Variants in SNX29 observed in about 807,000 individuals in gnomAD.
The protein encoded by SNX29 is sorting nexin 29, also known as sorting nexin-29.
In SNX29, 78 loss-of-function variants were observed where a neutral mutation model predicts 102.1. The ratio of observed to expected loss-of-function variants is 0.76; its 90% CI spans 0.64 to 0.92. The LOEUF is 0.92. Among genes scored for constraint, SNX29 ranks in the 40% least tolerant of loss-of-function variants. The pLI is 0.00. For synonymous variants in SNX29, 580 were observed against 414.5 expected, an observed-to-expected ratio of 1.40 and a Z score of -4.85; for missense variants, 1,280 against 1,061.7, an observed-to-expected ratio of 1.21 and a Z score of -2.86.
chr16:12,241,915 G>C (rs151077554), intron 14 of SNX29, among the ~76,000 whole-genome samples: 1 of 152,148 alleles, frequency 6.6e-6, no homozygotes, highest in East Asian at 1.9e-4. Flanking sequence ...TGGAAAGGGG[G>C]CTCCTGCCTC....
chr16:12,556,821 A>AG (rs2078382714), intron 20 of SNX29, among the ~76,000 whole-genome samples: 1 of 152,102 alleles, frequency 6.6e-6, no homozygotes, highest in Non-Finnish European at 1.5e-5. Flanking sequence ...ACAGAAGCCC[A>AG]GAGGAGGAAC....
chr16:12,210,710 A>G (rs905290982), intron 14 of SNX29, among the ~76,000 whole-genome samples: 6 of 150,456 alleles, frequency 4.0e-5, no homozygotes, highest in African/African-American at 1.5e-4. Flanking sequence ...CCTGCTGGCC[A>G]TTTTCTCTCA....
intron 13 of SNX29, among the ~76,000 whole-genome samples, chr16:12,182,805 G>A (rs780382402): frequency 2.0e-5 from 3 of 151,884 alleles, no homozygotes; most frequent in Non-Finnish European, 4.4e-5. Context: ...GTGGTGGTGG[G>A]CACCTGTAGT....
At chr16:12,405,980 C>T (rs148865297) in intron 18 of SNX29, among the ~76,000 whole-genome samples, 16 of 151,762 alleles carry the variant, frequency 1.1e-4, no homozygotes, top group African/African-American at 3.1e-4. Flanking sequence ...TGCAGTGAGC[C>T]GAGATCGCAC....
chr16:12,459,587 G>A (rs1425375695), intron 18 of SNX29, among the ~76,000 whole-genome samples: 1 of 152,174 alleles, frequency 6.6e-6, no homozygotes, highest in African/African-American at 2.4e-5. Flanking sequence ...CTCAGAGCCT[G>A]GGTCAGTCTG....
intron 18 of SNX29, among the ~76,000 whole-genome samples, chr16:12,422,070 A>G (rs754135240): frequency 2.0e-5 from 3 of 152,170 alleles, no homozygotes; most frequent in South Asian, 2.1e-4. Flanking sequence ...ATCATCAAAC[A>G]TTGTCATCAA....
Position 12,476,421 on chromosome 16 carries a change from T to TATATATATATAC in SNX29, c.2038-1287_2038-1286insCATATATATATA, listed in dbSNP as rs1567603440. Among the ~76,000 whole-genome samples, 202 of 51,868 alleles carry TATATATATATAC rather than the reference T, an allele frequency of 3.9e-3. 2 individuals carry two copies. The highest frequency in any genetic ancestry group is 6.2e-3 in the Non-Finnish European group (162 of 26,262). The allele number at this position is 51,868 out of a possible 152,430, so 34.0% of individuals were successfully genotyped here. A position where few individuals can be genotyped will look rare whatever the true frequency, so the allele number is the denominator to read the frequency against. On this transcript the variant is annotated intron_variant, in intron 18 of 20. Transcript: ENST00000566228. ...ATATATATATATATATACATATATA[T>TATATATATATAC]ATATATATATATATATATATATGAT...
At chr16:12,170,321 G>C (rs1383991230) in intron 13 of SNX29, among the ~76,000 whole-genome samples, 1 of 152,006 alleles carries the variant, frequency 6.6e-6, no homozygotes, top group Admixed American at 6.6e-5. Context: ...CTCAGTGAAC[G>C]TGTGTATGTG....
At chr16:12,239,685 G>A (rs553626507) in intron 14 of SNX29, among the ~76,000 whole-genome samples, 212 of 143,650 alleles carry the variant, frequency 1.5e-3, no homozygotes, top group African/African-American at 5.2e-3. Flanking sequence ...CCGGTGTGGT[G>A]ATGTGCACAA....
chr16:12,399,942 C>T (rs1458101593), intron 17 of SNX29, among the ~76,000 whole-genome samples: 2 of 152,088 alleles, frequency 1.3e-5, no homozygotes, highest in Non-Finnish European at 2.9e-5. Flanking sequence ...GAGTCCCAGA[C>T]ACGAGGCTGG....
chr16:12,102,669 C>G (rs919706518), intron 11 of SNX29, among the ~76,000 whole-genome samples: 10 of 152,266 alleles, frequency 6.6e-5, no homozygotes, highest in Non-Finnish European at 1.2e-4. Context: ...GATGCCCTCT[C>G]TCGCCACTCC....
At chr16:12,216,886 T>G (rs2077339648) in intron 14 of SNX29, among the ~76,000 whole-genome samples, 1 of 152,196 alleles carries the variant, frequency 6.6e-6, no homozygotes, top group African/African-American at 2.4e-5. Context: ...CCACGACACT[T>G]TCATGAGGCC....
intron 15 of SNX29, among the ~76,000 whole-genome samples, chr16:12,341,631 C>T (rs957918704): frequency 2.6e-5 from 4 of 152,244 alleles, no homozygotes; most frequent in African/African-American, 9.6e-5. Flanking sequence ...TGGACAGAGG[C>T]TCCCATCTTG....
At chr16:12,484,395 C>A (rs996990597) in intron 19 of SNX29, among the ~76,000 whole-genome samples, 11 of 152,198 alleles carry the variant, frequency 7.2e-5, no homozygotes, top group African/African-American at 2.7e-4. Context: ...TCTTTTGCCT[C>A]CCTGTAGCCT....
intron 13 of SNX29, among the ~76,000 whole-genome samples, chr16:12,168,316 A>T (rs1406660708): frequency 2.0e-5 from 3 of 152,204 alleles, no homozygotes; most frequent in Admixed American, 6.5e-5. Context: ...GCAAAAGCCC[A>T]GAAGTGAGCA....
intron 14 of SNX29, among the ~76,000 whole-genome samples, chr16:12,234,768 TTG>T (rs2142229980): frequency 6.6e-6 from 1 of 152,334 alleles, no homozygotes; most frequent in African/African-American, 2.4e-5. Context: ...TAGCACTGCA[TTG>T]TGTGTTTCCC....
In SNX29 at chr16:12,353,237, T is replaced by C. The variant is rs146799806; in HGVS notation, c.1783-2926T>C. Among the ~76,000 whole-genome samples, 222 of 152,278 alleles carry C rather than the reference T, an allele frequency of 1.5e-3. 4 individuals are homozygous for C. Among genetic ancestry groups the C allele is most frequent in the African/African-American group, 5.1e-3 (212 of 41,560 alleles). ...TGCTCTTGCTTCGGGGCACACTGAG[T>C]GCTCCCCACAGCATTTCTATCTCCT... On this transcript the variant is annotated intron_variant, in intron 15 of 20. Transcript: ENST00000566228.
At chr16:12,336,764 G>GT (rs2081463897) in intron 15 of SNX29, among the ~76,000 whole-genome samples, 1 of 152,158 alleles carries the variant, frequency 6.6e-6, no homozygotes, top group African/African-American at 2.4e-5. Flanking sequence ...GGCCAACATG[G>GT]TGAAACTCCG....
intron 15 of SNX29, among the ~76,000 whole-genome samples, chr16:12,317,431 G>C (rs1379506360): frequency 6.6e-6 from 1 of 152,222 alleles, no homozygotes; most frequent in East Asian, 1.9e-4. Flanking sequence ...CTCATTGAGA[G>C]ATGCTGGGAG....
Sources: allele counts gnomAD v4.1 joint callset (sites outside exome capture counted in the v4.1 genomes callset), GRCh38; gene constraint gnomAD v4.1.1; transcripts MANE v1.5; gene names NCBI Gene and HGNC (gene_info 2026-07-23, HGNC 2026-07-21).